Variants in BIRC6 observed in about 807,000 individuals in gnomAD.
The protein encoded by BIRC6 is baculoviral IAP repeat containing 6, also known as dual E2 ubiquitin-conjugating enzyme/E3 ubiquitin-protein ligase BIRC6.
In BIRC6, 98 loss-of-function variants were observed where a neutral mutation model predicts 503.3. That is an observed-to-expected ratio of 0.19 (90% CI 0.17 to 0.23). The LOEUF (loss-of-function observed/expected upper bound fraction) is 0.23, where lower values mean the gene tolerates loss of function less well. Ranked by LOEUF, BIRC6 falls within the 10% of genes least tolerant of loss-of-function variation. BIRC6 has a pLI of 1.00. For missense variants in BIRC6, 5,360 were observed against 5,806.0 expected (o/e 0.92, Z 2.50); for synonymous variants, 2,240 against 2,078.7 (o/e 1.08, Z -2.11).
chr2:32,578,366 A>G (rs1422430414), intron 66 of BIRC6, among the ~76,000 whole-genome samples: 2 of 152,162 alleles, frequency 1.3e-5, no homozygotes, highest in Non-Finnish European at 1.5e-5. Flanking sequence ...TGTCTGCCTC[A>G]TTCCCAACTG....
intron 33 of BIRC6, among the ~76,000 whole-genome samples, chr2:32,474,741 T>C (rs536689912): frequency 6.6e-6 from 1 of 152,256 alleles, no homozygotes; most frequent in African/African-American, 2.4e-5. Flanking sequence ...TTCTTGATTA[T>C]ATTTCTTGCA....
At chr2:32,387,851 T>C (rs2038702021) in intron 3 of BIRC6, among the ~76,000 whole-genome samples, 1 of 152,208 alleles carries the variant, frequency 6.6e-6, no homozygotes, top group Admixed American at 6.5e-5. Flanking sequence ...TAAGAACATG[T>C]GTTACTGTCT....
At chr2:32,450,383 AC>A (rs2046563184) in intron 22 of BIRC6, among the ~76,000 whole-genome samples, 1 of 151,952 alleles carries the variant, frequency 6.6e-6, no homozygotes, top group Non-Finnish European at 1.5e-5. Flanking sequence ...AATGGCGTGA[AC>A]CCGGGAGGCA....
intron 1 of BIRC6, among the ~76,000 whole-genome samples, chr2:32,365,597 G>C (rs554751831): frequency 6.6e-6 from 1 of 152,276 alleles, no homozygotes; most frequent in Admixed American, 6.5e-5. Flanking sequence ...GGGATTACAA[G>C]TGTGAGCCAC....
Position 32,578,989 on chromosome 2 carries a change from T to TATATATATATATATATATATATAC in BIRC6, c.13355+3624_13355+3625insTATATATATATATATATATATACA, listed in dbSNP as rs1480624603. ...TATTTTTATATACCTAATATATATA[T>TATATATATATATATATATATATAC]ACACTTAATATATATATATACCTAA... On this transcript the variant is annotated intron_variant, in intron 66 of 73. Transcript: ENST00000421745. 4.0e-4 allele frequency among the ~76,000 whole-genome samples: 36 copies of TATATATATATATATATATATATAC among 89,654 alleles called. 1 individual carries two copies. The highest frequency in any genetic ancestry group is 6.2e-3 in the Middle Eastern group (1 of 162). 58.8% of individuals were successfully genotyped at this position (89,654 alleles called of 152,430 possible). A position where few individuals can be genotyped will look rare whatever the true frequency, so the allele number is the denominator to read the frequency against.
intron 15 of BIRC6, among the ~76,000 whole-genome samples, chr2:32,438,635 C>T (rs965914515): frequency 1.3e-5 from 2 of 149,848 alleles, no homozygotes; most frequent in Admixed American, 6.7e-5. Flanking sequence ...TCTTGGCTCA[C>T]GGCAAGCTCC....
intron 63 of BIRC6, among the ~76,000 whole-genome samples, chr2:32,546,265 T>C (rs2058046937): frequency 1.3e-5 from 2 of 152,140 alleles, no homozygotes; most frequent in African/African-American, 4.8e-5. Flanking sequence ...TATTTCAATA[T>C]GATTTAATTG....
chr2:32,389,377 GA>G (rs551799404), intron 4 of BIRC6, among the ~76,000 whole-genome samples: 10,837 of 131,736 alleles, frequency 0.082, 385 homozygotes, highest in Middle Eastern at 0.11. Context: ...ATTTTATAAT[GA>G]AAAAAAAAAA....
intron 10 of BIRC6, among the ~76,000 whole-genome samples, chr2:32,428,123 C>T (rs1401408003): frequency 6.6e-6 from 1 of 152,010 alleles, no homozygotes; most frequent in Non-Finnish European, 1.5e-5. Flanking sequence ...TCAAGTGTGC[C>T]CTGGCTTTTA....
At position 32,586,687 on chromosome 2, in the gene BIRC6, G is replaced by A. The variant is rs568137688; in HGVS notation, c.13356-7228G>A. ...ACCTGCCTCAGCCTCCTGAAGTCCT[G>A]GGATTACAAATGTGAGCCACTACAC... On this transcript the variant is annotated intron_variant, in intron 66 of 73. Transcript: ENST00000421745. 2.0e-5 allele frequency among the ~76,000 whole-genome samples: 3 copies of A among 152,044 alleles called. No homozygotes were observed. In the Middle Eastern group the frequency reaches 0.01, roughly 517 times the overall value.
chr2:32,462,827 A>C lies in BIRC6; in HGVS notation c.4754-367A>C, dbSNP rs567754847. Among the ~76,000 whole-genome samples, 4 of 152,078 alleles carry C rather than the reference A, an allele frequency of 2.6e-5. No individual in the cohort carries two copies. The East Asian group carries it at 5.8e-4, about 22-fold the overall frequency. ...AAAAATTAGCCAGGCATGGTGGTGCATGCCTCTAATCCCAGCTACTCAGGA... is the reference window on the plus strand; with the variant it reads ...AAAAATTAGCCAGGCATGGTGGTGCCTGCCTCTAATCCCAGCTACTCAGGA... On this transcript the variant is annotated intron_variant, in intron 23 of 73. Transcript: ENST00000421745.
intron 9 of BIRC6, among the ~76,000 whole-genome samples, chr2:32,412,497 C>CAA (rs148934754): frequency 0.035 from 5,041 of 145,100 alleles, 97 homozygotes; most frequent in South Asian, 0.064. Flanking sequence ...GACTTTGTCT[C>CAA]AAAAAAAACA....
intron 45 of BIRC6, among the ~76,000 whole-genome samples, chr2:32,497,241 T>A (rs1347256379): frequency 6.6e-6 from 1 of 152,092 alleles, no homozygotes; most frequent in Non-Finnish European, 1.5e-5. Flanking sequence ...AACTCCTGAG[T>A]TCAAGCAGGC....
intron 28 of BIRC6, 35 bp from the exon 29 acceptor site, chr2:32,468,402 C>A: frequency 6.8e-7 from 1 of 1,465,892 alleles, no homozygotes; most frequent in Non-Finnish European, 9.2e-7. Flanking sequence ...GAGGACATTA[C>A]AAGAATTATT....
In BIRC6 at chr2:32,435,586, G is replaced by A; in HGVS notation, c.3499+1G>A. ...CACATGGATGTAGAGGAATCACAGT[G>A]TGAGTTAAATTATAGAGCTGTTGTC... On this transcript the variant is annotated splice_donor_variant, in intron 14 of 73. Transcript: ENST00000421745. LOFTEE classifies it high-confidence loss of function. 6.4e-7 allele frequency: 1 copy of A among 1,551,464 alleles called. No individual in the cohort carries two copies. The highest frequency in any genetic ancestry group is 1.4e-5 in the African/African-American group (1 of 73,274).
At chr2:32,376,323 AC>A (rs767614805) in intron 1 of BIRC6, among the ~76,000 whole-genome samples, 5 of 152,104 alleles carry the variant, frequency 3.3e-5, no homozygotes, top group Non-Finnish European at 2.9e-5. Context: ...TAACACTTGA[AC>A]TCACTGCAAT....
chr2:32,364,617 CT>C (rs142140493), intron 1 of BIRC6, among the ~76,000 whole-genome samples: 4,636 of 150,062 alleles, frequency 0.031, 141 homozygotes, highest in African/African-American at 0.084. Context: ...TAGATAGTGA[CT>C]TTTTTTTTTC....
At chr2:32,404,051 C>A (rs1344846370) in intron 8 of BIRC6, among the ~76,000 whole-genome samples, 3 of 151,312 alleles carry the variant, frequency 2.0e-5, no homozygotes, top group Non-Finnish European at 2.9e-5. Flanking sequence ...CCTTAGCCTC[C>A]TTGAGTAGCT....
chr2:32,614,479 A>G (rs924613597), intron 73 of BIRC6, among the ~76,000 whole-genome samples: 1 of 152,312 alleles, frequency 6.6e-6, no homozygotes, highest in South Asian at 2.1e-4. Context: ...TCTCTGAATT[A>G]ATCCAAATTT....
Sources: gnomAD v4.1 joint callset for allele counts (sites outside exome capture counted in the v4.1 genomes callset) on GRCh38, gnomAD v4.1.1 for gene constraint, MANE v1.5 for transcripts, NCBI Gene and HGNC (gene_info 2026-07-23, HGNC 2026-07-21) for gene names.